The following UCHL5 variants were observed in gnomAD, a reference collection of about 807,000 sequenced individuals.
UCHL5 encodes the protein ubiquitin carboxyl-terminal hydrolase isozyme L5.
In UCHL5, 34 loss-of-function variants were observed where a neutral mutation model predicts 53.8. The observed-to-expected ratio is 0.63, with a 90% CI of 0.48 to 0.84. The LOEUF is 0.84. Among genes scored for constraint, UCHL5 ranks in the 40% least tolerant of loss-of-function variants. The pLI is 0.00. For missense variants in UCHL5, 290 were observed against 385.6 expected, an observed-to-expected ratio of 0.75 and a Z score of 2.08; for synonymous variants, 111 against 126.3, an observed-to-expected ratio of 0.88 and a Z score of 0.81.
chr1:193,051,717 T>G (rs201993913), intron 2 of UCHL5, 37 bp downstream of exon 2: 328 of 1,260,694 alleles, frequency 2.6e-4, no homozygotes, highest in Non-Finnish European at 3.5e-4. Context: ...TTAAAGTATA[T>G]ATATATACAT....
intron 3 of UCHL5, among the ~76,000 whole-genome samples, chr1:193,043,938 C>T (rs1666544650): frequency 6.6e-6 from 1 of 152,126 alleles, no homozygotes; most frequent in Admixed American, 6.5e-5. Context: ...ATCTATATTC[C>T]TCTGTTGTAA....
intron 9 of UCHL5, among the ~76,000 whole-genome samples, chr1:193,022,471 C>A (rs1657420686): frequency 6.6e-6 from 1 of 151,962 alleles, no homozygotes; most frequent in African/African-American, 2.4e-5. Flanking sequence ...ATCAGCATGG[C>A]CAACATGGCA....
intron 3 of UCHL5, among the ~76,000 whole-genome samples, chr1:193,030,957 G>A (rs1661149644): frequency 6.6e-6 from 1 of 152,088 alleles, no homozygotes; most frequent in Non-Finnish European, 1.5e-5. Flanking sequence ...ACATCACCAT[G>A]CTTCTACAAT....
chr1:193,059,887 G>C (rs1672321747), upstream of UCHL5: 2 of 1,365,014 alleles, frequency 1.5e-6, no homozygotes. The surrounding 1 kb of genome is among the most constrained non-coding windows in gnomAD (Gnocchi z 4.9). Flanking sequence ...TTGAGGCTGG[G>C]CAAACGCCGC....
chr1:193,045,552 A>T (rs1480693855), intron 3 of UCHL5, among the ~76,000 whole-genome samples: 1 of 152,218 alleles, frequency 6.6e-6, no homozygotes, highest in African/African-American at 2.4e-5. Context: ...AAGCTTCCTG[A>T]GGCCTCCCAA....
At chr1:193,033,563 T>C (rs906192478) in intron 3 of UCHL5, among the ~76,000 whole-genome samples, 22 of 151,836 alleles carry the variant, frequency 1.4e-4, no homozygotes, top group African/African-American at 4.9e-4. Context: ...TCAATCTTCA[T>C]TGAGTCACAG....
intron 7 of UCHL5, among the ~76,000 whole-genome samples, chr1:193,026,709 AT>A (rs1008918870): frequency 3.0e-4 from 45 of 152,096 alleles, no homozygotes; most frequent in East Asian, 1.2e-3. Context: ...AAAAAAAAAA[AT>A]ATCCATTTAC....
chr1:193,018,755 A>C lies in UCHL5; in HGVS notation c.942+2342T>G, dbSNP rs1348378693. The C allele has an allele frequency of 3.9e-6, 6 of 1,523,414 alleles. No individual in the cohort carries two copies. The East Asian group carries it at 1.5e-4, about 38-fold the overall frequency. 94.4% of individuals were successfully genotyped at this position (1,523,414 alleles called of 1,614,324 possible). A position where few individuals can be genotyped will look rare whatever the true frequency, so the allele number is the denominator to read the frequency against. On this transcript the variant is annotated intron_variant, in intron 10 of 10. Transcript: ENST00000367454. ...AGCATATAGTAGCACTGCATGGTGC[A>C]GCCATATCTTTCCTGTTTGTTTCCT...
chr1:193,051,820 G>C lies in UCHL5; in HGVS notation c.77-3C>G. On this transcript the variant is annotated splice_polypyrimidine_tract_variant and splice_region_variant and intron_variant, in intron 1 of 10. Transcript: ENST00000367454. ...TTCTACTTGGGCTCCTCGGCAACCT[G>C]AAATAATAAATTATTTTCTTCAGTA... is the stretch of plus-strand genomic sequence containing the variant. 1 of 1,584,930 alleles carries C rather than the reference G, an allele frequency of 6.3e-7. No homozygotes were observed.
chr1:193,023,989 T>C (rs779230859), intron 7 of UCHL5, 43 bp from the exon 8 acceptor site: 19 of 1,338,070 alleles, frequency 1.4e-5, no homozygotes, highest in Non-Finnish European at 1.9e-5. Flanking sequence ...TAAAGAATTG[T>C]ACAACTATTA....
At chr1:193,059,979 G>T, upstream of UCHL5, 1 of 1,366,318 alleles carries the variant, frequency 7.3e-7, no homozygotes, top group African/African-American at 1.5e-5. The surrounding 1 kb of genome is among the most constrained non-coding windows in gnomAD (Gnocchi z 4.9). Flanking sequence ...GGACATCCTC[G>T]CTAGGCCCGG....
chr1:193,031,094 C>T (rs1392700008), intron 3 of UCHL5, among the ~76,000 whole-genome samples: 3 of 152,104 alleles, frequency 2.0e-5, no homozygotes, highest in Non-Finnish European at 2.9e-5. Flanking sequence ...TGATCCGAAT[C>T]ACAGTTCTTT....
Position 193,012,554 on chromosome 1 carries a change from T to C in UCHL5, c.*3797A>G, listed in dbSNP as rs533755141. ...TTCAGTACTAGAGAAGTTCTGCCTA[T>C]ATGCCTATATGCAATCCACTTGTAC... On this transcript the variant is annotated 3_prime_UTR_variant, in exon 11 of 11. Coordinates refer to ENST00000367454, the MANE Select transcript of UCHL5 (RefSeq NM_001199261.3). 4.6e-5 allele frequency: 7 copies of C among 152,196 alleles called. No homozygotes were observed. Among genetic ancestry groups the C allele is most frequent in the African/African-American group, 7.2e-5 (3 of 41,442 alleles). The allele number at this position is 152,196 out of a possible 1,614,324, so 9.4% of individuals were successfully genotyped here.
chr1:193,023,945 A>G lies in UCHL5; in HGVS notation c.631T>C (p.Tyr211His), dbSNP rs1571508171. 3.2e-6 allele frequency: 5 copies of G among 1,587,104 alleles called. No individual in the cohort carries two copies. In the East Asian group the frequency reaches 1.1e-4, roughly 36 times the overall value. The change falls in exon 8 of 11, where the codon TAC (tyrosine) becomes CAC (histidine). Residue 211 changes from tyrosine (Y) to histidine (H), a missense_variant and splice_region_variant. By Grantham distance (83) the Tyr-to-His change is moderately conservative. Transcript: ENST00000367454. Reference sequence around the variant, plus strand: ...TTAAATCGAATTTCACCTTCACTGTACCTAGAAGAAAATTATTTAAGTTTA... The same window carrying G: ...TTAAATCGAATTTCACCTTCACTGTGCCTAGAAGAAAATTATTTAAGTTTA... The part of the protein sequence containing the change: ...RPVIEKRIQK[Y>H]SEGEIRFNLM...
chr1:193,025,695 C>G (rs1025111983), intron 7 of UCHL5, among the ~76,000 whole-genome samples: 16 of 152,082 alleles, frequency 1.1e-4, no homozygotes, highest in Admixed American at 3.3e-4. Flanking sequence ...AGGTGGCACC[C>G]ACAATTTACA....
chr1:193,014,668 C>T lies in UCHL5; in HGVS notation c.*1683G>A, dbSNP rs944476106. ...CACTTTTTTCTATATGGATATTCAG[C>T]TATTCTATTCTGGCTCCATTTGTTG... On this transcript the variant is annotated 3_prime_UTR_variant, in exon 11 of 11. Transcript: ENST00000367454. 1 of 152,138 alleles carries T rather than the reference C, an allele frequency of 6.6e-6. No individual in the cohort carries two copies. Among genetic ancestry groups the T allele is most frequent in the African/African-American group, 2.4e-5 (1 of 41,440 alleles). 9.4% of individuals were successfully genotyped at this position (152,138 alleles called of 1,614,324 possible).
intron 3 of UCHL5, among the ~76,000 whole-genome samples, chr1:193,037,074 ATACCCCAAGGAAC>A (rs1281363193): frequency 6.6e-6 from 1 of 151,990 alleles, no homozygotes; most frequent in Non-Finnish European, 1.5e-5. Context: ...ACCTAATTAT[ATACCCCAAGGAAC>A]TAGAAAAGCA....
chr1:193,059,509 C>T (rs1672135761), upstream of UCHL5: 2 of 1,590,904 alleles, frequency 1.3e-6, no homozygotes, highest in Non-Finnish European at 1.7e-6. The surrounding 1 kb of genome is among the most constrained non-coding windows in gnomAD (Gnocchi z 4.9). Context: ...TTCGGAAGGG[C>T]TGGGGCCTGA....
chr1:193,049,404 T>C (rs6670714), intron 3 of UCHL5: 147,784 of 164,974 alleles, frequency 0.9, 66,464 homozygotes, highest in East Asian at 1. Context: ...AGCAAGACTC[T>C]ATCTCAGAAA....
Sources: allele counts gnomAD v4.1 joint callset (sites outside exome capture counted in the v4.1 genomes callset), GRCh38; gene constraint gnomAD v4.1.1; non-coding constraint Gnocchi (gnomAD v3.1); transcripts MANE v1.5; gene names NCBI Gene and HGNC (gene_info 2026-07-23, HGNC 2026-07-21).